AUTS2: variants seen among roughly 807,000 people sequenced by gnomAD.
The protein encoded by AUTS2 is autism susceptibility gene 2 protein.
Under a neutral mutation model 112.4 loss-of-function variants are expected in AUTS2, and 17 were observed. That is an observed-to-expected ratio of 0.15 (90% CI 0.10 to 0.23). The LOEUF (loss-of-function observed/expected upper bound fraction) is 0.23, where lower values mean the gene tolerates loss of function less well. Ranked by LOEUF, AUTS2 falls within the 10% of genes least tolerant of loss-of-function variation. The pLI, the probability that AUTS2 is intolerant of heterozygous loss-of-function variation, is 1.00. For missense variants in AUTS2, 1,510 were observed against 1,701.6 expected (o/e 0.89, Z 1.98); for synonymous variants, 751 against 702.7 (o/e 1.07, Z -1.09).
At chr7:70,479,622 TATC>T (rs1413564285) in intron 5 of AUTS2, among the ~76,000 whole-genome samples, 1 of 132,304 alleles carries the variant, frequency 7.6e-6, no homozygotes, top group African/African-American at 3.2e-5. Context: ...CCATATATAA[TATC>T]ATGTAGTACC....
At chr7:70,527,763 G>A (rs1368866736) in intron 5 of AUTS2, among the ~76,000 whole-genome samples, 3 of 152,200 alleles carry the variant, frequency 2.0e-5, no homozygotes, top group African/African-American at 7.2e-5. Flanking sequence ...TGGGGGGGAA[G>A]TGTCAGTATT....
chr7:70,754,121 G>T (rs34452361), intron 6 of AUTS2, among the ~76,000 whole-genome samples: 9,455 of 152,096 alleles, frequency 0.062, 347 homozygotes, highest in Middle Eastern at 0.16. Flanking sequence ...AGATCGCGCC[G>T]CTGCACTCCA....
At chr7:70,641,442 C>T (rs950887233) in intron 5 of AUTS2, among the ~76,000 whole-genome samples, 1 of 152,124 alleles carries the variant, frequency 6.6e-6, no homozygotes, top group Non-Finnish European at 1.5e-5. Flanking sequence ...GTCCCAGCTA[C>T]TCGGGAGACT....
chr7:70,452,438 G>A (rs1212506315), intron 5 of AUTS2, among the ~76,000 whole-genome samples: 3 of 152,082 alleles, frequency 2.0e-5, no homozygotes, highest in South Asian at 2.1e-4. Context: ...CAGTCTGGGC[G>A]ACAGAGCAAG....
intron 4 of AUTS2, among the ~76,000 whole-genome samples, chr7:70,224,384 CAATACAATACAATACAATAT>C (rs1394327606): frequency 1.5e-4 from 20 of 132,962 alleles, no homozygotes; most frequent in Non-Finnish European, 2.5e-4. Flanking sequence ...CAATACAATA[CAATACAATACAATACAATAT>C]AATACCATAC....
At chr7:70,062,294 A>T (rs1355761517) in intron 2 of AUTS2, among the ~76,000 whole-genome samples, 1 of 151,808 alleles carries the variant, frequency 6.6e-6, no homozygotes, top group African/African-American at 2.4e-5. Context: ...GCGGATCACG[A>T]GGTCAAGAGA....
At chr7:70,289,183 G>A (rs1788597958) in intron 4 of AUTS2, among the ~76,000 whole-genome samples, 2 of 152,306 alleles carry the variant, frequency 1.3e-5, no homozygotes, top group South Asian at 4.1e-4. Flanking sequence ...TGTTTTGAAA[G>A]TATTCATTTG....
chr7:70,521,416 C>T (rs540620168), intron 5 of AUTS2, among the ~76,000 whole-genome samples: 1 of 152,258 alleles, frequency 6.6e-6, no homozygotes, highest in Non-Finnish European at 1.5e-5. Flanking sequence ...CATGTGAGAC[C>T]AAGCAAGGGC....
chr7:70,251,680 T>G (rs1562822396), intron 4 of AUTS2, among the ~76,000 whole-genome samples: 1 of 152,202 alleles, frequency 6.6e-6, no homozygotes, highest in African/African-American at 2.4e-5. Context: ...CAGATGATGT[T>G]TTATTTTAGC....
At chr7:70,079,823 G>C (rs1026418164) in intron 2 of AUTS2, among the ~76,000 whole-genome samples, 2 of 152,108 alleles carry the variant, frequency 1.3e-5, no homozygotes, top group African/African-American at 4.8e-5. Flanking sequence ...TAATTTATAA[G>C]CAATAGAAGT....
At chr7:70,414,591 G>A (rs1226868059) in intron 4 of AUTS2, among the ~76,000 whole-genome samples, 1 of 152,108 alleles carries the variant, frequency 6.6e-6, no homozygotes, top group African/African-American at 2.4e-5. Context: ...TTAGCAGTGG[G>A]GAGACAATTA....
chr7:70,585,844 T>G (rs1007191673), intron 5 of AUTS2, among the ~76,000 whole-genome samples: 1 of 5,216 alleles, frequency 1.9e-4, no homozygotes, highest in East Asian at 0.011. Context: ...ATTTATTTAT[T>G]TATTTATTTA....
chr7:70,774,166 C>T, intron 12 of AUTS2, 67 bp downstream of exon 12: 2 of 1,448,354 alleles, frequency 1.4e-6, no homozygotes, highest in East Asian at 2.3e-5. Flanking sequence ...GGACGGCCAG[C>T]CCAGTGCTCG....
intron 1 of AUTS2, among the ~76,000 whole-genome samples, chr7:69,855,776 A>G (rs561490703): frequency 2.0e-4 from 30 of 152,330 alleles, no homozygotes; most frequent in African/African-American, 7.2e-4. Context: ...TGTTCCGTAA[A>G]GAACAAACAA....
At chr7:70,473,153 G>A (rs1232507349) in intron 5 of AUTS2, among the ~76,000 whole-genome samples, 1 of 152,176 alleles carries the variant, frequency 6.6e-6, no homozygotes, top group Admixed American at 6.5e-5. Context: ...ACGGGGGAGG[G>A]GAGCCAAGCA....
At chr7:69,676,507 TGGG>T (rs1351110655) in intron 1 of AUTS2, among the ~76,000 whole-genome samples, 1 of 152,226 alleles carries the variant, frequency 6.6e-6, no homozygotes, top group Non-Finnish European at 1.5e-5. Flanking sequence ...GGTCTTGGTC[TGGG>T]GGAAGATAAA....
chr7:70,776,906 A>G, intron 13 of AUTS2, 197 bp from the exon 14 acceptor site: 1 of 620,276 alleles, frequency 1.6e-6, no homozygotes, highest in Non-Finnish European at 2.9e-6. Flanking sequence ...ACGTGGGGAG[A>G]GAGGGGGAGC....
intron 1 of AUTS2, among the ~76,000 whole-genome samples, chr7:69,870,448 A>T (rs28667218): frequency 1.5e-3 from 119 of 78,958 alleles, no homozygotes; most frequent in East Asian, 2.1e-3. Flanking sequence ...ATGTGTGTGT[A>T]ATATATATAT....
At chr7:69,978,892 A>G (rs868239718) in intron 2 of AUTS2, among the ~76,000 whole-genome samples, 2 of 149,890 alleles carry the variant, frequency 1.3e-5, no homozygotes, top group African/African-American at 4.9e-5. Flanking sequence ...ACACACACAC[A>G]CACACACACG....
Sources: gnomAD v4.1 joint callset for allele counts (sites outside exome capture counted in the v4.1 genomes callset) on GRCh38, gnomAD v4.1.1 for gene constraint, MANE v1.5 for transcripts, NCBI Gene and HGNC (gene_info 2026-07-23, HGNC 2026-07-21) for gene names.